STIL: variants seen among roughly 807,000 people sequenced by gnomAD.
STIL encodes the protein SCL-interrupting locus protein.
STIL carries 55 observed loss-of-function variants against 110.1 expected under a neutral mutation model. The observed-to-expected ratio is 0.50, with a 90% CI of 0.40 to 0.63. The LOEUF is 0.63. STIL is among the 20% of genes least tolerant of loss of function. STIL has a pLI of 0.00. For synonymous variants in STIL, 481 were observed against 530.0 expected (o/e 0.91, Z 1.27); for missense variants, 1,358 against 1,530.0 (o/e 0.89, Z 1.87).
chr1:47,255,959 G>C (rs1188774294), intron 16 of STIL, among the ~76,000 whole-genome samples: 1 of 152,190 alleles, frequency 6.6e-6, no homozygotes, highest in Non-Finnish European at 1.5e-5. Context: ...CATGAAATGA[G>C]TTTTCACATA....
rs752989580 is a variant in STIL, at chr1:47,281,150, T to C, written c.1308A>G (p.Ile436Met). 1.9e-6 allele frequency: 3 copies of C among 1,613,962 alleles called. No individual in the cohort carries two copies. Among genetic ancestry groups the C allele is most frequent in the Non-Finnish European group, 2.5e-6 (3 of 1,179,992 alleles). ...ELSLVLDGNF[I>M]ESNPLPTPLE... The stretch of plus-strand genomic sequence containing the variant: ...ATGGAGTAGGCAGAGGGTTTGATTC[T>C]ATGAAATTGCCATCCAACACAAGTG... Residue 436 changes from isoleucine (I) to methionine (M), a missense_variant, in exon 12 of 17, where the codon ATA becomes ATG. Physicochemically the swap from Ile to Met is conservative, Grantham distance 10. Transcript: ENST00000371877.
At chr1:47,279,700 G>GC (rs1428657424) in intron 12 of STIL, among the ~76,000 whole-genome samples, 3 of 133,682 alleles carry the variant, frequency 2.2e-5, no homozygotes, top group African/African-American at 3.1e-5. Context: ...CTGCACTCCA[G>GC]CCTGCGCAAC....
In STIL at chr1:47,310,278, G is replaced by A. The variant is rs746481616; in HGVS notation, c.42C>T (p.Thr14=). The A allele has an allele frequency of 1.9e-6, 3 of 1,612,432 alleles. No homozygotes were observed. In the Admixed American group the frequency reaches 5.0e-5, roughly 27 times the overall value. The change falls in exon 2 of 17, where the codon ACC becomes ACT. Residue 14 remains threonine (T), a splice_region_variant and synonymous_variant. Transcript: ENST00000371877. ...TATTTGTAAATATACTTCTATACCT[G>A]GTATTCATCTGGGGCCGTGCAAAAG... The part of the protein sequence containing the change: ...IYPFARPQMN[T]RFPSSRMVPF...
rs2148972718 is a variant in STIL, at chr1:47,280,639, G to A, written c.1819C>T (p.Gln607Ter). ...YCSTNVCRCC[Q>*]HHSHIQYSPL... ...CTATATTGAATATGACTATGATGCT[G>A]ACAACACCTGCAAACGTTTGTGGAA... is the stretch of plus-strand genomic sequence containing the variant. Residue 607 changes from glutamine (Q) to a stop codon, truncating the protein, a stop_gained, in exon 12 of 17, where the codon CAG becomes TAG. Coordinates refer to ENST00000371877, the MANE Select transcript of STIL (RefSeq NM_001048166.1). LOFTEE classifies it high-confidence loss of function. The A allele has an allele frequency of 6.2e-7, 1 of 1,614,226 alleles. No homozygotes were observed. Among genetic ancestry groups the A allele is most frequent in the African/African-American group, 1.3e-5 (1 of 75,056 alleles).
At chr1:47,262,782 A>G (rs1644522029) in intron 15 of STIL, 121 bp downstream of exon 15, 1 of 865,864 alleles carries the variant, frequency 1.2e-6, no homozygotes, top group Non-Finnish European at 1.8e-6. Context: ...TACATTGTTA[A>G]TTAGACAAAA....
At chr1:47,277,485 A>G (rs1478467224) in intron 12 of STIL, among the ~76,000 whole-genome samples, 1 of 151,700 alleles carries the variant, frequency 6.6e-6, no homozygotes, top group Admixed American at 6.6e-5. Context: ...ACAAACAAAC[A>G]ACGACGGTAT....
At chr1:47,288,796 C>T (rs903674833) in intron 9 of STIL, among the ~76,000 whole-genome samples, 2 of 150,212 alleles carry the variant, frequency 1.3e-5, no homozygotes, top group Non-Finnish European at 3.0e-5. Flanking sequence ...CCTATAATCC[C>T]AGCACTTTGG....
At chr1:47,253,054 G>C (rs1388090761) in intron 16 of STIL, among the ~76,000 whole-genome samples, 1 of 152,032 alleles carries the variant, frequency 6.6e-6, no homozygotes, top group Non-Finnish European at 1.5e-5. Flanking sequence ...GAGGTAAAGC[G>C]AGCCTCCCTC....
At chr1:47,304,412 A>C (rs1393438416) in intron 3 of STIL, among the ~76,000 whole-genome samples, 4 of 152,156 alleles carry the variant, frequency 2.6e-5, no homozygotes, top group Non-Finnish European at 5.9e-5. Flanking sequence ...CCCCGCCATA[A>C]TCTATCCTTC....
At chr1:47,291,055 C>T (rs945385110) in intron 8 of STIL, among the ~76,000 whole-genome samples, 7 of 152,160 alleles carry the variant, frequency 4.6e-5, no homozygotes, top group Non-Finnish European at 5.9e-5. Flanking sequence ...CCTCCCTGAC[C>T]ACCTATTTAA....
chr1:47,300,933 T>C (rs996054518), intron 5 of STIL, among the ~76,000 whole-genome samples: 2 of 152,224 alleles, frequency 1.3e-5, no homozygotes, highest in Non-Finnish European at 1.5e-5. Context: ...CATCCCTCTA[T>C]AATACACACC....
At chr1:47,257,881 T>C (rs140668999) in intron 16 of STIL, among the ~76,000 whole-genome samples, 87 of 152,348 alleles carry the variant, frequency 5.7e-4, no homozygotes, top group African/African-American at 1.9e-3. Flanking sequence ...GGCTGGCTCA[T>C]AGAAACTCAG....
chr1:47,311,119 T>C (rs1459515177), intron 1 of STIL, among the ~76,000 whole-genome samples: 3 of 152,138 alleles, frequency 2.0e-5, no homozygotes, highest in Admixed American at 2.0e-4. Context: ...GTGCTAGGAT[T>C]ACAGGTGTGA....
intron 2 of STIL, among the ~76,000 whole-genome samples, chr1:47,306,211 G>C (rs1645957504): frequency 6.7e-6 from 1 of 149,802 alleles, no homozygotes; most frequent in Non-Finnish European, 1.5e-5. Flanking sequence ...AGAAAAATGA[G>C]TATAAATCAT....
At chr1:47,297,602 G>C (rs11583162) in intron 6 of STIL, among the ~76,000 whole-genome samples, 41,134 of 151,652 alleles carry the variant, frequency 0.27, 5,860 homozygotes, top group Non-Finnish European at 0.32. Context: ...TTAATGATGG[G>C]GTCTCACTAC....
intron 14 of STIL, among the ~76,000 whole-genome samples, chr1:47,266,240 G>T (rs1328439488): frequency 6.6e-6 from 1 of 152,150 alleles, no homozygotes; most frequent in Non-Finnish European, 1.5e-5. Flanking sequence ...TTTCTGAAGG[G>T]ACATGTTTAT....
At chr1:47,311,358 C>T (rs1646121450) in intron 1 of STIL, among the ~76,000 whole-genome samples, 1 of 150,164 alleles carries the variant, frequency 6.7e-6, no homozygotes. Flanking sequence ...AATCTCAGCT[C>T]ACTGCAACCT....
chr1:47,286,499 G>T (rs1030386967), intron 10 of STIL, among the ~76,000 whole-genome samples: 1 of 151,770 alleles, frequency 6.6e-6, no homozygotes, highest in African/African-American at 2.4e-5. Context: ...ACGAGGTCAA[G>T]AGATCGAGAC....
At chr1:47,296,531 T>C (rs2149141639) in intron 6 of STIL, among the ~76,000 whole-genome samples, 1 of 152,278 alleles carries the variant, frequency 6.6e-6, no homozygotes, top group East Asian at 1.9e-4. Context: ...TCAGGCATGG[T>C]GGCTCACGCT....
Sources: gnomAD v4.1 joint callset for allele counts (sites outside exome capture counted in the v4.1 genomes callset) on GRCh38, gnomAD v4.1.1 for gene constraint, MANE v1.5 for transcripts, NCBI Gene and HGNC (gene_info 2026-07-23, HGNC 2026-07-21) for gene names.